Variants in BIN2 observed in about 807,000 individuals in gnomAD.
BIN2 encodes the protein bridging integrator 2.
A neutral mutation model predicts 67.9 loss-of-function variants in BIN2; 43 were observed. The observed-to-expected ratio is 0.63, with a 90% confidence interval of 0.50 to 0.82. The LOEUF is 0.82. Among genes scored for constraint, BIN2 ranks in the 40% least tolerant of loss-of-function variants. The pLI, the probability that BIN2 is intolerant of heterozygous loss-of-function variation, is 0.00. For synonymous variants in BIN2, 244 were observed against 246.8 expected, an observed-to-expected ratio of 0.99 and a Z score of 0.11; for missense variants, 581 against 671.6, an observed-to-expected ratio of 0.87 and a Z score of 1.49.
chr12:51,293,546 C>T (rs1965075), intron 9 of BIN2, among the ~76,000 whole-genome samples: 118,438 of 152,038 alleles, frequency 0.78, 47,278 homozygotes, highest in South Asian at 0.87. Flanking sequence ...TCTCTTGACC[C>T]CGTGATCCAC....
chr12:51,295,808 T>G lies in BIN2; in HGVS notation c.749A>C (p.Lys250Thr), dbSNP rs1945550537. Residue 250 changes from lysine to threonine, a missense_variant, in exon 9 of 13, where the codon AAG becomes ACG. Lys to Thr is a moderately conservative substitution (Grantham distance 78). Transcript: ENST00000615107. The part of the protein sequence containing the change: ...KQHSNKVFVV[K>T]GLSSSSRRSL... ...GGATGCTGCTCACCTTGACAGTCCC[T>G]TCACCACAAAGACTTTATTGGAATG... 6.2e-7 allele frequency: 1 copy of G among 1,612,856 alleles called. No individual in the cohort carries two copies. The highest frequency in any genetic ancestry group is 1.3e-5 in the African/African-American group (1 of 74,730).
rs902232118 is a variant in BIN2, at chr12:51,288,109, T to C, written c.1595A>G (p.Glu532Gly). ...GTAGATGACTTAGGCTTTTAGTACC[T>C]CCGAGGAGTTAGCTGAGATAAGCTT... ...DNKLISANSS[E>G]GQDQLQVSMV... Residue 532 changes from glutamate to glycine, a missense_variant and splice_region_variant, in exon 11 of 13, where the codon GAG becomes GGG. Coordinates refer to ENST00000615107, the MANE Select transcript of BIN2 (RefSeq NM_016293.4). The C allele has an allele frequency of 3.7e-6, 6 of 1,610,974 alleles. No individual in the cohort carries two copies. Among genetic ancestry groups the C allele is most frequent in the Non-Finnish European group, 5.1e-6 (6 of 1,177,230 alleles).
At chr12:51,313,790 T>C (rs776403846) in intron 2 of BIN2, 33 bp downstream of exon 2, 6 of 1,577,590 alleles carry the variant, frequency 3.8e-6, no homozygotes, top group Non-Finnish European at 5.2e-6. Context: ...TCCTTTCTTC[T>C]TCCAAGCTTC....
intron 11 of BIN2, among the ~76,000 whole-genome samples, chr12:51,286,733 C>T (rs1028969640): frequency 2.0e-5 from 3 of 152,216 alleles, no homozygotes; most frequent in Admixed American, 6.5e-5. Flanking sequence ...CTATCCTGCA[C>T]TTATTCACTC....
intron 11 of BIN2, among the ~76,000 whole-genome samples, chr12:51,286,741 C>T (rs1158933773): frequency 1.3e-5 from 2 of 152,222 alleles, no homozygotes; most frequent in African/African-American, 4.8e-5. Flanking sequence ...CACTTATTCA[C>T]TCTCCACATG....
chr12:51,324,412 A>T, upstream of BIN2: 1 of 1,397,854 alleles, frequency 7.2e-7, no homozygotes, highest in Admixed American at 2.6e-5. Flanking sequence ...GCCCACACTC[A>T]CTCGCTCCGG....
intron 11 of BIN2, among the ~76,000 whole-genome samples, chr12:51,286,918 G>C (rs879337990): frequency 6.7e-5 from 10 of 150,000 alleles, no homozygotes; most frequent in Non-Finnish European, 1.5e-4. Context: ...TGACCTCCCT[G>C]GGCTCAGGTG....
At chr12:51,284,678 T>C in intron 12 of BIN2, 38 bp downstream of exon 12, 1 of 1,505,008 alleles carries the variant, frequency 6.6e-7, no homozygotes, top group Non-Finnish European at 9.2e-7. Flanking sequence ...CCCCTGTCAA[T>C]CTAATGCCCA....
chr12:51,318,809 T>G (rs970923479), intron 1 of BIN2, among the ~76,000 whole-genome samples: 4 of 152,222 alleles, frequency 2.6e-5, no homozygotes, highest in African/African-American at 9.6e-5. Flanking sequence ...GTAAATTGCT[T>G]TCTCAGAGCT....
At chr12:51,283,191 A>T (rs139736619) in intron 12 of BIN2, among the ~76,000 whole-genome samples, 607 of 148,538 alleles carry the variant, frequency 4.1e-3, no homozygotes, top group Non-Finnish European at 5.7e-3. Flanking sequence ...CAGGAGGCGG[A>T]GGTTGCAGTG....
At chr12:51,285,026 C>T (rs1565668057) in intron 11 of BIN2, among the ~76,000 whole-genome samples, 1 of 152,092 alleles carries the variant, frequency 6.6e-6, no homozygotes, top group Non-Finnish European at 1.5e-5. Flanking sequence ...GGACAGGAAA[C>T]CAGGTCTTTG....
At chr12:51,300,834 A>G (rs1435564276) in intron 5 of BIN2, among the ~76,000 whole-genome samples, 1 of 152,150 alleles carries the variant, frequency 6.6e-6, no homozygotes, top group Non-Finnish European at 1.5e-5. Context: ...ATTTCATTTC[A>G]TTTTTGGAAA....
intron 9 of BIN2, among the ~76,000 whole-genome samples, chr12:51,292,801 T>G (rs550795079): frequency 6.6e-6 from 1 of 152,318 alleles, no homozygotes; most frequent in Admixed American, 6.5e-5. Flanking sequence ...ATCATCTACC[T>G]TCTTGCTTCC....
intron 12 of BIN2, among the ~76,000 whole-genome samples, chr12:51,282,563 G>A (rs1011421006): frequency 1.3e-5 from 2 of 152,098 alleles, no homozygotes; most frequent in African/African-American, 4.8e-5. Flanking sequence ...ATTACTTGAT[G>A]TATTTAATAT....
At chr12:51,324,639 A>C (rs1592291296), upstream of BIN2, 2 of 1,107,602 alleles carry the variant, frequency 1.8e-6, no homozygotes, top group South Asian at 3.7e-5. Flanking sequence ...CAGGCAGGAC[A>C]CCCGAGCCGG....
chr12:51,320,383 T>C (rs1328062994), intron 1 of BIN2, among the ~76,000 whole-genome samples: 1 of 152,192 alleles, frequency 6.6e-6, no homozygotes, highest in Non-Finnish European at 1.5e-5. Flanking sequence ...TAATATACTT[T>C]TTCCAGCCTT....
chr12:51,284,600 C>T (rs528290509), intron 12 of BIN2, 116 bp downstream of exon 12: 121 of 785,208 alleles, frequency 1.5e-4, no homozygotes, highest in Non-Finnish European at 1.8e-4. Flanking sequence ...GCTTGACTGC[C>T]CTAAGGGTAT....
intron 8 of BIN2, 35 bp downstream of exon 8, chr12:51,297,054 C>T: frequency 6.4e-7 from 1 of 1,559,936 alleles, no homozygotes; most frequent in South Asian, 1.1e-5. Flanking sequence ...CTAGAAAACA[C>T]ACCTAGGAGC....
intron 9 of BIN2, among the ~76,000 whole-genome samples, 199 bp downstream of exon 9, chr12:51,295,574 AAAAATATATATATATATATATAT>A (rs1945529273): frequency 3.0e-4 from 5 of 16,612 alleles, no homozygotes; most frequent in Admixed American, 1.1e-3. Context: ...AAAAAAAAAA[AAAAATATATATATATATATATAT>A]ATATATATAT....
Sources: allele counts gnomAD v4.1 joint callset (sites outside exome capture counted in the v4.1 genomes callset), GRCh38; gene constraint gnomAD v4.1.1; transcripts MANE v1.5; gene names NCBI Gene and HGNC (gene_info 2026-07-23, HGNC 2026-07-21).